Variants in LINGO2 observed in about 807,000 individuals in gnomAD.
The protein encoded by LINGO2 is leucine-rich repeat and immunoglobulin-like domain-containing nogo receptor-interacting protein 2.
In LINGO2, 14 loss-of-function variants were observed where a neutral mutation model predicts 30.6. That is an observed-to-expected ratio of 0.46 (90% CI 0.30 to 0.72). The LOEUF is 0.72. Ranked by LOEUF, LINGO2 falls within the 30% of genes least tolerant of loss-of-function variation. The pLI, the probability that LINGO2 is intolerant of heterozygous loss-of-function variation, is 0.07. For synonymous variants in LINGO2, 317 were observed against 288.5 expected (o/e 1.10, Z -1.00); for missense variants, 729 against 751.7 (o/e 0.97, Z 0.35).
chr9:28,489,194 T>C (rs1826288496), intron 1 of LINGO2, among the ~76,000 whole-genome samples: 1 of 152,126 alleles, frequency 6.6e-6, no homozygotes, highest in African/African-American at 2.4e-5. Context: ...ATATCACACT[T>C]TAAAATGTCA....
intron 4 of LINGO2, among the ~76,000 whole-genome samples, chr9:28,237,190 T>G (rs1159904733): frequency 6.6e-6 from 1 of 151,312 alleles, no homozygotes; most frequent in African/African-American, 2.4e-5. Flanking sequence ...GTTTATGCAA[T>G]CAGTGCTAAG....
At position 28,331,137 on chromosome 9, in the gene LINGO2, T is replaced by C. The variant is rs141388354; in HGVS notation, c.-245-35771A>G. 2.2e-3 allele frequency among the ~76,000 whole-genome samples: 335 copies of C among 152,170 alleles called. 5 individuals carry two copies. In the East Asian group the frequency reaches 0.046, roughly 21 times the overall value. Reference sequence around the variant, plus strand: ...CAACTGAAACAAAAGAGTTTATTCCTTTCCAGGTCTCTTTATTGGTGAGGG... The same window carrying C: ...CAACTGAAACAAAAGAGTTTATTCCCTTCCAGGTCTCTTTATTGGTGAGGG... On this transcript the variant is annotated intron_variant, in intron 3 of 5. Transcript: ENST00000379992.
the LINGO2 span, among the ~76,000 whole-genome samples, chr9:28,744,286 G>A: frequency 6.7e-3 from 1,010 of 151,766 alleles, 27 homozygotes; most frequent in Admixed American, 0.036. Flanking sequence ...TTCTTTCAGC[G>A]TACTTATAAT....
At chr9:28,160,576 C>G (rs549351130) in intron 4 of LINGO2, among the ~76,000 whole-genome samples, 6 of 152,150 alleles carry the variant, frequency 3.9e-5, no homozygotes, top group Non-Finnish European at 5.9e-5. Context: ...CTCCTGCCCC[C>G]CTTCTGCTCT....
chr9:28,872,152 G>T, the LINGO2 span, among the ~76,000 whole-genome samples: 1 of 151,862 alleles, frequency 6.6e-6, no homozygotes. Context: ...TTTAGCTCAG[G>T]TTTCACACCT....
the LINGO2 span, among the ~76,000 whole-genome samples, chr9:28,878,393 G>A: frequency 5.9e-5 from 9 of 152,196 alleles, no homozygotes; most frequent in South Asian, 2.1e-4. Flanking sequence ...ATTCACAGCC[G>A]AATTCTACCA....
intron 4 of LINGO2, among the ~76,000 whole-genome samples, chr9:28,047,254 T>C (rs1318676193): frequency 6.6e-6 from 1 of 152,142 alleles, no homozygotes; most frequent in Admixed American, 6.6e-5. Context: ...CCTGTAGTGA[T>C]CTGACTCTTT....
At chr9:28,236,492 G>T (rs1043670454) in intron 4 of LINGO2, among the ~76,000 whole-genome samples, 9 of 152,066 alleles carry the variant, frequency 5.9e-5, no homozygotes, top group Non-Finnish European at 8.8e-5. Context: ...ACTAAATGAT[G>T]AAACAATCAA....
At chr9:28,163,645 A>G (rs1215544348) in intron 4 of LINGO2, among the ~76,000 whole-genome samples, 1 of 152,176 alleles carries the variant, frequency 6.6e-6, no homozygotes, top group Non-Finnish European at 1.5e-5. Flanking sequence ...AAAAATAAAT[A>G]AAAATAAGAA....
intron 1 of LINGO2, among the ~76,000 whole-genome samples, chr9:28,493,259 C>A (rs535505707): frequency 6.6e-6 from 1 of 152,122 alleles, no homozygotes; most frequent in Non-Finnish European, 1.5e-5. Flanking sequence ...ATACTTCCAC[C>A]TACATTTCTT....
At chr9:29,188,679 T>C in the LINGO2 span, among the ~76,000 whole-genome samples, 796 of 93,656 alleles carry the variant, frequency 8.5e-3, 5 homozygotes, top group Middle Eastern at 0.019. Context: ...ACCTCCCGGA[T>C]GGGGCGGCTG....
intron 3 of LINGO2, among the ~76,000 whole-genome samples, chr9:28,322,156 A>T (rs1456787129): frequency 1.3e-5 from 2 of 152,138 alleles, no homozygotes; most frequent in Admixed American, 6.6e-5. Flanking sequence ...TCAAGTTCAT[A>T]CTGGCCTTGG....
intron 4 of LINGO2, among the ~76,000 whole-genome samples, chr9:28,247,211 A>C (rs929770378): frequency 6.6e-6 from 1 of 152,212 alleles, no homozygotes; most frequent in African/African-American, 2.4e-5. Flanking sequence ...AAGGATCTAG[A>C]ACCAGAAATG....
intron 2 of LINGO2, among the ~76,000 whole-genome samples, chr9:28,418,194 A>AT (rs1255753689): frequency 6.6e-6 from 1 of 151,552 alleles, no homozygotes; most frequent in Non-Finnish European, 1.5e-5. Flanking sequence ...AGCACTGAAT[A>AT]TTTAAGAATC....
chr9:28,718,283 A>C, the LINGO2 span, among the ~76,000 whole-genome samples: 1 of 152,036 alleles, frequency 6.6e-6, no homozygotes, highest in African/African-American at 2.4e-5. Flanking sequence ...AACAGAGTTC[A>C]GATACTTGAT....
At chr9:28,881,115 T>C in the LINGO2 span, among the ~76,000 whole-genome samples, 1 of 152,072 alleles carries the variant, frequency 6.6e-6, no homozygotes, top group African/African-American at 2.4e-5. Flanking sequence ...CCCACTGTTG[T>C]TTCTCTACAC....
At chr9:28,497,264 G>T (rs1012000421) in intron 1 of LINGO2, among the ~76,000 whole-genome samples, 1 of 152,088 alleles carries the variant, frequency 6.6e-6, no homozygotes, top group Non-Finnish European at 1.5e-5. Flanking sequence ...TTTCCAACTT[G>T]GTTCCATTCT....
chr9:28,404,486 T>A (rs1166686984), intron 2 of LINGO2, among the ~76,000 whole-genome samples: 1 of 152,160 alleles, frequency 6.6e-6, no homozygotes, highest in Non-Finnish European at 1.5e-5. Context: ...AAAAGAATAT[T>A]CTGTCAGAAA....
At chr9:28,041,313 A>G (rs77700379) in intron 4 of LINGO2, among the ~76,000 whole-genome samples, 2,358 of 152,310 alleles carry the variant, frequency 0.015, 66 homozygotes, top group South Asian at 0.071. Flanking sequence ...AAAAATTGTC[A>G]GAGAACAGTG....
Sources: allele counts gnomAD v4.1 joint callset (sites outside exome capture counted in the v4.1 genomes callset), GRCh38; gene constraint gnomAD v4.1.1; transcripts MANE v1.5; gene names NCBI Gene and HGNC (gene_info 2026-07-23, HGNC 2026-07-21).